Variants in ENOX2 observed in about 807,000 individuals in gnomAD.
ENOX2 encodes ecto-NOX disulfide-thiol exchanger 2, also known as APK1 antigen.
Under a neutral mutation model 45.0 loss-of-function variants are expected in ENOX2, and 36 were observed. The observed-to-expected ratio is 0.80, with a 90% CI of 0.61 to 1.06. ENOX2 has a LOEUF of 1.06. Among genes scored for constraint, ENOX2 ranks in the 50% least tolerant of loss-of-function variants. The pLI is 0.00. For synonymous variants in ENOX2, 174 were observed against 152.3 expected (o/e 1.14, Z -1.05); for missense variants, 423 against 462.5 (o/e 0.91, Z 0.78).
chrX:130,728,393 A>T (rs2038658626), intron 3 of ENOX2, among the ~76,000 whole-genome samples: 1 of 111,105 alleles, frequency 9.0e-6, no homozygotes, highest in South Asian at 3.9e-4. Flanking sequence ...ACAGGGCAGA[A>T]TTCCAGCAAG....
chrX:130,647,182 G>C (rs1221620612), intron 10 of ENOX2, among the ~76,000 whole-genome samples: 1 of 112,160 alleles, frequency 8.9e-6, no homozygotes, highest in Non-Finnish European at 1.9e-5. Context: ...ACTGTGGGCT[G>C]CTAAGCCAGG....
At chrX:130,786,387 CTT>C (rs145967772) in intron 2 of ENOX2, among the ~76,000 whole-genome samples, 1 of 105,866 alleles carries the variant, frequency 9.4e-6, no homozygotes, top group Non-Finnish European at 2.0e-5. Context: ...AACAGAAAAA[CTT>C]TTTTTTTTTC....
chrX:130,625,409 G>T lies in ENOX2; in HGVS notation c.1651C>A (p.Leu551Ile). 1 of 1,209,713 alleles carries T rather than the reference G, an allele frequency of 8.3e-7. No individual in the cohort carries two copies. Among genetic ancestry groups the T allele is most frequent in the Non-Finnish European group, 1.1e-6 (1 of 893,900 alleles). ...TSDVECLMGR[L>I]QHTFKQEMTG... is the part of the protein sequence containing the mutation. ...ATTTCCTGCTTGAAGGTATGCTGGAGTCTACCCATGAGACACTCCACATCG... is the reference window on the plus strand; with the variant it reads ...ATTTCCTGCTTGAAGGTATGCTGGATTCTACCCATGAGACACTCCACATCG... The change falls in exon 15 of 15, where the codon CTC becomes ATC. Residue 551 changes from leucine to isoleucine, a missense_variant. Transcript: ENST00000394363.
chrX:130,845,906 GAAAA>G (rs1031337005), intron 2 of ENOX2, among the ~76,000 whole-genome samples: 1 of 112,245 alleles, frequency 8.9e-6, no homozygotes, highest in Non-Finnish European at 1.9e-5. Flanking sequence ...GTAATGTACA[GAAAA>G]AAAGAAAACT....
intron 2 of ENOX2, among the ~76,000 whole-genome samples, chrX:130,870,898 G>A (rs749148291): frequency 9.8e-6 from 1 of 102,288 alleles, no homozygotes; most frequent in East Asian, 3.5e-4. Flanking sequence ...GAGAGGGAGG[G>A]AGGGAGGGAG....
Position 130,667,023 on chromosome X carries a change from T to C in ENOX2, c.907+507A>G, listed in dbSNP as rs151234590. On this transcript the variant is annotated intron_variant, in intron 8 of 14. Coordinates refer to ENST00000394363, the MANE Select transcript of ENOX2 (RefSeq NM_006375.4). ...GCTTCTCACCTTGTCCCAGTGTCTA[T>C]GACATCCAGCAAAGGTAGCAGAAGA... Among the ~76,000 whole-genome samples, 435 of 111,948 alleles carry C rather than the reference T, an allele frequency of 3.9e-3. 2 individuals are homozygous for C. The highest frequency in any genetic ancestry group is 0.014 in the African/African-American group (421 of 30,812).
At chrX:130,704,137 C>A (rs887360576) in intron 3 of ENOX2, among the ~76,000 whole-genome samples, 2 of 111,929 alleles carry the variant, frequency 1.8e-5, no homozygotes, top group African/African-American at 6.5e-5. Flanking sequence ...TAATTTTTAG[C>A]CACTATGCTT....
chrX:130,752,039 T>C (rs1288893756), intron 3 of ENOX2, among the ~76,000 whole-genome samples: 1 of 111,889 alleles, frequency 8.9e-6, no homozygotes, highest in African/African-American at 3.2e-5. Context: ...GTCTTTCTGA[T>C]AGATTGAATC....
At position 130,679,414 on chromosome X, in the gene ENOX2, A is replaced by G. The variant is rs2037239807; in HGVS notation, c.460+128T>C. 19 of 534,638 alleles carry G rather than the reference A, an allele frequency of 3.6e-5. No individual in the cohort carries two copies. The South Asian group carries it at 5.1e-4, about 14-fold the overall frequency. The allele number at this position is 534,638 out of a possible 1,213,427, so 44.1% of individuals were successfully genotyped here. ...AGGAAGAAGTTGAATGGGAACATTCAGTTTCCACCTCTGAAGGCAAGAGCA... is the reference window on the plus strand; with the variant it reads ...AGGAAGAAGTTGAATGGGAACATTCGGTTTCCACCTCTGAAGGCAAGAGCA... On this transcript the variant is annotated intron_variant, in intron 6 of 14. Coordinates refer to ENST00000394363, the MANE Select transcript of ENOX2 (RefSeq NM_006375.4).
chrX:130,638,730 A>G (rs1450104089), intron 10 of ENOX2, among the ~76,000 whole-genome samples: 1 of 111,958 alleles, frequency 8.9e-6, no homozygotes, highest in East Asian at 2.8e-4. Context: ...AATTTACTGG[A>G]CCAAAGACCC....
chrX:130,657,486 A>G (rs1281558637), intron 9 of ENOX2, among the ~76,000 whole-genome samples: 1 of 111,958 alleles, frequency 8.9e-6, no homozygotes, highest in Non-Finnish European at 1.9e-5. Flanking sequence ...GTAAGAAGGG[A>G]ATCCCAGAAA....
chrX:130,741,808 C>T (rs938175201), intron 3 of ENOX2, among the ~76,000 whole-genome samples: 32 of 111,314 alleles, frequency 2.9e-4, no homozygotes, highest in Non-Finnish European at 7.5e-5. Flanking sequence ...GGGGGAGAGA[C>T]GGAGAACAAT....
At chrX:130,702,910 T>C (rs1001386460) in intron 4 of ENOX2, among the ~76,000 whole-genome samples, 14 of 112,106 alleles carry the variant, frequency 1.2e-4, no homozygotes, top group African/African-American at 4.5e-4. Context: ...CTAGCCTGCA[T>C]TGGATATACA....
intron 3 of ENOX2, among the ~76,000 whole-genome samples, chrX:130,757,983 T>A (rs192036871): frequency 0.011 from 1,223 of 111,956 alleles, 25 homozygotes; most frequent in African/African-American, 0.037. Context: ...TCCTTGTCTA[T>A]AAAATGAGGC....
At chrX:130,699,793 C>T (rs747021335) in intron 4 of ENOX2, among the ~76,000 whole-genome samples, 48 of 112,098 alleles carry the variant, frequency 4.3e-4, no homozygotes, top group African/African-American at 1.2e-3. Flanking sequence ...GTTCTCTTCA[C>T]CTGTTGCTGT....
intron 3 of ENOX2, among the ~76,000 whole-genome samples, chrX:130,767,909 G>T (rs1385070339): frequency 1.8e-5 from 2 of 111,745 alleles, no homozygotes; most frequent in Non-Finnish European, 3.8e-5. Context: ...GATTTTGCCT[G>T]GTTAAGAGGA....
Position 130,631,517 on chromosome X carries a change from C to T in ENOX2, c.1479G>A (p.Lys493=). The T allele has an allele frequency of 7.5e-6, 9 of 1,207,487 alleles. No individual in the cohort carries two copies. The highest frequency in any genetic ancestry group is 1.0e-5 in the Non-Finnish European group (9 of 891,613). ...ATTTGATAGGACTGCTGTTCATGGTCTTCTCAAGAGGGTATTCGCTATCCT... is the reference window on the plus strand; with the variant it reads ...ATTTGATAGGACTGCTGTTCATGGTTTTCTCAAGAGGGTATTCGCTATCCT... ...SNQDSEYPLE[K]TMNSSPIKSE... Residue 493 remains lysine (K), a synonymous_variant, in exon 13 of 15, where the codon AAG becomes AAA. Coordinates refer to ENST00000394363, the MANE Select transcript of ENOX2 (RefSeq NM_006375.4).
intron 2 of ENOX2, among the ~76,000 whole-genome samples, chrX:130,859,954 C>T (rs1243093825): frequency 9.1e-6 from 1 of 109,915 alleles, no homozygotes; most frequent in African/African-American, 3.3e-5. Context: ...TTGTCTTCTC[C>T]GAAACTATTT....
At chrX:130,727,186 T>C (rs2038626911) in intron 3 of ENOX2, among the ~76,000 whole-genome samples, 1 of 112,449 alleles carries the variant, frequency 8.9e-6, no homozygotes, top group Admixed American at 9.4e-5. Context: ...GCACTATGCA[T>C]TTAATCCTCA....
Sources: allele counts gnomAD v4.1 joint callset (sites outside exome capture counted in the v4.1 genomes callset), GRCh38; gene constraint gnomAD v4.1.1; transcripts MANE v1.5; gene names NCBI Gene and HGNC (gene_info 2026-07-23, HGNC 2026-07-21).